RPH3A: variants seen among roughly 807,000 people sequenced by gnomAD.
RPH3A encodes the protein rabphilin 3A.
RPH3A carries 48 observed loss-of-function variants against 102.2 expected under a neutral mutation model. That is an observed-to-expected ratio of 0.47 (90% CI 0.37 to 0.60). RPH3A has a LOEUF of 0.60. RPH3A is among the 20% of genes least tolerant of loss of function. RPH3A has a pLI of 0.00. For missense variants in RPH3A, 781 were observed against 910.1 expected (o/e 0.86, Z 1.83); for synonymous variants, 310 against 324.3 (o/e 0.96, Z 0.47).
At chr12:112,892,475 A>G (rs1329626567) in intron 19 of RPH3A, among the ~76,000 whole-genome samples, 1 of 152,156 alleles carries the variant, frequency 6.6e-6, no homozygotes, top group African/African-American at 2.4e-5. Context: ...GCACTATTTC[A>G]TCCAAGGTGA....
At chr12:112,828,450 T>A in intron 3 of RPH3A, 61 bp downstream of exon 3, 1 of 1,250,204 alleles carries the variant, frequency 8.0e-7, no homozygotes, top group South Asian at 1.3e-5. Context: ...TTGACAATTC[T>A]ACACTTGAAA....
chr12:112,861,728 C>A (rs904800607), intron 5 of RPH3A, among the ~76,000 whole-genome samples: 1 of 152,096 alleles, frequency 6.6e-6, no homozygotes, highest in Non-Finnish European at 1.5e-5. Context: ...TTAAGAATAT[C>A]CCCGGCTGGG....
intron 5 of RPH3A, among the ~76,000 whole-genome samples, chr12:112,863,294 G>A (rs919403650): frequency 7.2e-5 from 11 of 152,186 alleles, no homozygotes; most frequent in South Asian, 2.1e-4. Flanking sequence ...AGGGTCATGC[G>A]TATGAAGCAT....
intron 1 of RPH3A, among the ~76,000 whole-genome samples, chr12:112,631,676 C>T (rs1364279293): frequency 6.6e-6 from 1 of 151,888 alleles, no homozygotes; most frequent in Non-Finnish European, 1.5e-5. Context: ...CTATATGCCA[C>T]CGCACCTGCT....
At chr12:112,830,111 G>T in intron 3 of RPH3A, among the ~76,000 whole-genome samples, 1 of 151,244 alleles carries the variant, frequency 6.6e-6, no homozygotes, top group Non-Finnish European at 1.5e-5. Flanking sequence ...TAAATACTTG[G>T]GTTGTATATT....
In RPH3A at chr12:112,602,311, C is replaced by T. The variant is rs1445242652; in HGVS notation, c.-140+26992C>T. Among the ~76,000 whole-genome samples the T allele has an allele frequency of 2.0e-5, 3 of 152,248 alleles. No homozygotes were observed. The East Asian group carries it at 5.8e-4, about 29-fold the overall frequency. On this transcript the variant is annotated intron_variant, in intron 1 of 21. Transcript: ENST00000543106. ...AAAGCCCTCTGCCTTTCTAACAAAG[C>T]CCCCTCTAAGAAAGCCTGCCGCCCA...
intron 1 of RPH3A, among the ~76,000 whole-genome samples, chr12:112,650,301 T>C (rs1053444822): frequency 6.6e-6 from 1 of 152,248 alleles, no homozygotes; most frequent in African/African-American, 2.4e-5. Flanking sequence ...TAGCCACTTA[T>C]GGAGGAGGTG....
At chr12:112,870,632 G>T (rs545907634) in intron 10 of RPH3A, among the ~76,000 whole-genome samples, 1 of 152,234 alleles carries the variant, frequency 6.6e-6, no homozygotes, top group East Asian at 1.9e-4. Flanking sequence ...CCTCAAAGCG[G>T]CTTCATTTCT....
intron 19 of RPH3A, 108 bp from the exon 20 acceptor site, chr12:112,894,470 T>C: frequency 1.0e-6 from 1 of 954,564 alleles, no homozygotes; most frequent in South Asian, 1.5e-5. Context: ...TTGATCCCTT[T>C]CTGATTTATT....
intron 14 of RPH3A, 89 bp downstream of exon 14, chr12:112,879,287 C>G (rs2042864455): frequency 9.2e-7 from 1 of 1,090,344 alleles, no homozygotes. Flanking sequence ...AGGCCTGTCT[C>G]CTGTTGTTGC....
chr12:112,731,511 C>T (rs1276691730), intron 1 of RPH3A, among the ~76,000 whole-genome samples: 1 of 152,184 alleles, frequency 6.6e-6, no homozygotes, highest in African/African-American at 2.4e-5. Flanking sequence ...GCTTAATCAC[C>T]TGTGAATGCC....
intron 1 of RPH3A, among the ~76,000 whole-genome samples, chr12:112,595,039 G>T (rs2039506835): frequency 6.6e-6 from 1 of 152,154 alleles, no homozygotes; most frequent in South Asian, 2.1e-4. Flanking sequence ...AAGAGCTTGG[G>T]CTCTGGGTCT....
In RPH3A at chr12:112,673,786, AT is replaced by A. The variant is rs958832915; in HGVS notation, c.-140+98476del. The stretch of plus-strand genomic sequence containing the variant: ...ATCGTAGGTCTTACTCATTCTTTCT[AT>A]TTTTTTTTGTACCCATTAACCATCC... On this transcript the variant is annotated intron_variant, in intron 1 of 21. Transcript: ENST00000543106. Among the ~76,000 whole-genome samples, 15 of 150,680 alleles carry A rather than the reference AT, an allele frequency of 1.0e-4. No individual in the cohort carries two copies. In the South Asian group the frequency reaches 1.7e-3, roughly 17 times the overall value.
chr12:112,685,891 T>C (rs1204380877), intron 1 of RPH3A, among the ~76,000 whole-genome samples: 1 of 152,216 alleles, frequency 6.6e-6, no homozygotes, highest in Non-Finnish European at 1.5e-5. Context: ...AGATTTTGTG[T>C]TGGGTATTTG....
intron 11 of RPH3A, among the ~76,000 whole-genome samples, 174 bp downstream of exon 11, chr12:112,875,344 G>A (rs2042777015): frequency 6.6e-6 from 1 of 152,066 alleles, no homozygotes. Context: ...CAAGAAGCTG[G>A]GCAGGGAGTG....
chr12:112,681,412 C>G lies in RPH3A; in HGVS notation c.-140+106093C>G, dbSNP rs76179151. Among the ~76,000 whole-genome samples the G allele has an allele frequency of 6.8e-3, 1,042 of 152,310 alleles. 13 individuals carry two copies. Among genetic ancestry groups the G allele is most frequent in the African/African-American group, 0.023 (976 of 41,558 alleles). ...TAATATTACTCTCCTGCCTAAACCT[C>G]TTAGTGGCTTCTAATGGATTCTTCT... is the stretch of plus-strand genomic sequence containing the variant. On this transcript the variant is annotated intron_variant, in intron 1 of 21. Transcript: ENST00000543106.
chr12:112,648,596 A>AAAAAAAAAAAAAAAAAAC (rs1225826500), intron 1 of RPH3A, among the ~76,000 whole-genome samples: 1 of 140,800 alleles, frequency 7.1e-6, no homozygotes, highest in East Asian at 2.0e-4. Flanking sequence ...AAAAAAAAAA[A>AAAAAAAAAAAAAAAAAAC]AAGCTAGGTG....
At position 112,752,968 on chromosome 12, in the gene RPH3A, CTTTTTTTTT is replaced by C. The variant is rs3037266; in HGVS notation, c.-139-39163_-139-39155del. ...GTACATTTGGGTGGTGTCCAGTTTT[CTTTTTTTTT>C]TTTTTTTTTTTGCTGTTGTAAACAG... On this transcript the variant is annotated intron_variant, in intron 1 of 21. Coordinates refer to the RPH3A transcript ENST00000543106. Among the ~76,000 whole-genome samples, 347 of 118,904 alleles carry C rather than the reference CTTTTTTTTT, an allele frequency of 2.9e-3. 4 individuals are homozygous for C. Among genetic ancestry groups the C allele is most frequent in the Non-Finnish European group, 4.5e-3 (262 of 58,344 alleles). The allele number at this position is 118,904 out of a possible 152,430, so 78.0% of individuals were successfully genotyped here. A position where few individuals can be genotyped will look rare whatever the true frequency, so the allele number is the denominator to read the frequency against.
intron 1 of RPH3A, among the ~76,000 whole-genome samples, chr12:112,779,163 C>A (rs2040989178): frequency 6.6e-6 from 1 of 152,052 alleles, no homozygotes; most frequent in Non-Finnish European, 1.5e-5. Flanking sequence ...GGGAGGTGGC[C>A]AGAGAAGGCA....
Sources: gnomAD v4.1 joint callset for allele counts (sites outside exome capture counted in the v4.1 genomes callset) on GRCh38, gnomAD v4.1.1 for gene constraint, MANE v1.5 for transcripts, NCBI Gene and HGNC (gene_info 2026-07-23, HGNC 2026-07-21) for gene names.